TASP1: variants seen among roughly 807,000 people sequenced by gnomAD.
TASP1 encodes threonine aspartase 1.
In TASP1, 16 loss-of-function variants were observed where a neutral mutation model predicts 56.6. The observed-to-expected ratio is 0.28, with a 90% CI of 0.19 to 0.43. The LOEUF is 0.43. Among genes scored for constraint, TASP1 ranks in the 20% least tolerant of loss-of-function variants. The pLI, the probability that TASP1 is intolerant of heterozygous loss-of-function variation, is 1.00. For synonymous variants in TASP1, 179 were observed against 184.2 expected (o/e 0.97, Z 0.23); for missense variants, 393 against 511.6 (o/e 0.77, Z 2.24).
At chr20:13,134,669 A>G in the TASP1 span, among the ~76,000 whole-genome samples, 1 of 152,198 alleles carries the variant, frequency 6.6e-6, no homozygotes, top group East Asian at 1.9e-4. Flanking sequence ...CCATGTTTCT[A>G]CGTAACAGAA....
chr20:13,567,185 G>A (rs8122011), intron 7 of TASP1, among the ~76,000 whole-genome samples: 6,811 of 151,874 alleles, frequency 0.045, 276 homozygotes, highest in African/African-American at 0.099. Context: ...AAAAAATACC[G>A]CATGCTCTCA....
At chr20:13,117,135 G>C in the TASP1 span, among the ~76,000 whole-genome samples, 1 of 152,154 alleles carries the variant, frequency 6.6e-6, no homozygotes, top group African/African-American at 2.4e-5. Context: ...GCTGATAAAG[G>C]GAATGACTAT....
At chr20:13,363,151 G>A in the TASP1 span, among the ~76,000 whole-genome samples, 1 of 152,098 alleles carries the variant, frequency 6.6e-6, no homozygotes, top group Non-Finnish European at 1.5e-5. Context: ...TTGTTCCAAT[G>A]AGACAACTCT....
At chr20:13,626,648 C>G (rs1348826591) in intron 2 of TASP1, among the ~76,000 whole-genome samples, 4 of 152,112 alleles carry the variant, frequency 2.6e-5, no homozygotes, top group African/African-American at 9.7e-5. Flanking sequence ...CACCCAAATC[C>G]TAAACCTGTT....
At chr20:13,547,506 T>G (rs1367768124) in intron 8 of TASP1, among the ~76,000 whole-genome samples, 1 of 152,162 alleles carries the variant, frequency 6.6e-6, no homozygotes, top group East Asian at 1.9e-4. Context: ...AGAAGGAAGA[T>G]AATGGAAAAG....
At chr20:13,268,114 GTCTTCTCTTCTCTTCTCTTC>G in the TASP1 span, among the ~76,000 whole-genome samples, 3 of 140,392 alleles carry the variant, frequency 2.1e-5, no homozygotes, top group South Asian at 2.5e-4. Flanking sequence ...CTCCTCTCCT[GTCTTCTCTTCTCTTCTCTTC>G]TCTTCTCTTC....
the TASP1 span, among the ~76,000 whole-genome samples, chr20:13,169,653 AT>A: frequency 6.6e-6 from 1 of 152,110 alleles, no homozygotes. Context: ...GTGATTTATT[AT>A]TTTTTAAATG....
intron 12 of TASP1, 129 bp downstream of exon 12, chr20:13,434,915 T>C: frequency 1.7e-6 from 1 of 584,602 alleles, no homozygotes; most frequent in East Asian, 2.9e-5. Context: ...AGAACAGGGA[T>C]GTTCAGATAT....
the TASP1 span, among the ~76,000 whole-genome samples, chr20:13,360,037 C>G: frequency 6.6e-6 from 1 of 152,284 alleles, no homozygotes; most frequent in East Asian, 1.9e-4. Context: ...TACAATTCCC[C>G]CATTTTACCT....
chr20:13,560,601 G>A lies in TASP1; in HGVS notation c.569-1487C>T, dbSNP rs1319212005. ...ATTGTCCCAGATTACAGCAGAGCAT[G>A]AGACCGACAGAAGGTGGGGGGAAAA... On this transcript the variant is annotated intron_variant, in intron 7 of 13. Transcript: ENST00000337743. Among the ~76,000 whole-genome samples the A allele has an allele frequency of 1.3e-5, 2 of 152,170 alleles. 1 individual carries two copies. Among genetic ancestry groups the A allele is most frequent in the African/African-American group, 4.8e-5 (2 of 41,442 alleles).
At chr20:13,500,746 A>T (rs757891478) in intron 10 of TASP1, among the ~76,000 whole-genome samples, 38 of 152,124 alleles carry the variant, frequency 2.5e-4, no homozygotes, top group Non-Finnish European at 4.3e-4. Flanking sequence ...AGAATGAATA[A>T]ATAGGAATGT....
chr20:13,173,749 G>GTGA, the TASP1 span, among the ~76,000 whole-genome samples: 1 of 152,168 alleles, frequency 6.6e-6, no homozygotes, highest in Non-Finnish European at 1.5e-5. Flanking sequence ...GGTTTCATTA[G>GTGA]TGATGGTGAA....
the TASP1 span, among the ~76,000 whole-genome samples, chr20:13,343,306 G>C: frequency 6.6e-6 from 1 of 152,234 alleles, no homozygotes; most frequent in Non-Finnish European, 1.5e-5. Context: ...AGGCTCAGCA[G>C]CCCCTGAGGG....
the TASP1 span, among the ~76,000 whole-genome samples, chr20:13,194,553 G>A: frequency 8.2e-6 from 1 of 121,492 alleles, no homozygotes; most frequent in African/African-American, 4.0e-5. Flanking sequence ...ATGTGTGTGT[G>A]TGTGTGTGTG....
At chr20:13,617,055 C>G in intron 4 of TASP1, 1 of 455,678 alleles carries the variant, frequency 2.2e-6, no homozygotes, top group Non-Finnish European at 4.4e-6. Flanking sequence ...ATTTTCTCTG[C>G]CTCTTCACAA....
the TASP1 span, chr20:13,292,378 T>A: frequency 6.3e-7 from 1 of 1,596,258 alleles, no homozygotes; most frequent in South Asian, 1.1e-5. Context: ...GTTTAGGAAT[T>A]GAAGACACTT....
chr20:13,471,138 T>A (rs974195894), intron 11 of TASP1, among the ~76,000 whole-genome samples: 13 of 152,144 alleles, frequency 8.5e-5, no homozygotes, highest in African/African-American at 3.1e-4. Flanking sequence ...AAGGGTTAAA[T>A]AGAAACATAA....
chr20:13,265,257 TTA>T, the TASP1 span, among the ~76,000 whole-genome samples: 1 of 152,160 alleles, frequency 6.6e-6, no homozygotes, highest in Non-Finnish European at 1.5e-5. Context: ...TGCTGTACGT[TTA>T]CAAGCCTTTT....
intron 10 of TASP1, among the ~76,000 whole-genome samples, chr20:13,520,483 T>C (rs945452864): frequency 1.3e-5 from 2 of 152,118 alleles, no homozygotes; most frequent in African/African-American, 4.8e-5. Context: ...TCTACAACCA[T>C]CTGGTCTTTG....
Sources: allele counts gnomAD v4.1 joint callset (sites outside exome capture counted in the v4.1 genomes callset), GRCh38; gene constraint gnomAD v4.1.1; transcripts MANE v1.5; gene names NCBI Gene and HGNC (gene_info 2026-07-23, HGNC 2026-07-21).